Variants in CCDC30 observed in about 807,000 individuals in gnomAD.
CCDC30 encodes the protein coiled-coil domain containing 30, also known as coiled-coil domain-containing protein 30.
CCDC30 carries 70 observed loss-of-function variants against 100.2 expected under a neutral mutation model. The observed-to-expected ratio is 0.70, with a 90% confidence interval of 0.58 to 0.85. CCDC30 has a LOEUF of 0.85. Among genes scored for constraint, CCDC30 ranks in the 40% least tolerant of loss-of-function variants. The probability of loss-of-function intolerance (pLI) is 0.00; values close to 1 mark genes in which losing one functional copy is unlikely to be tolerated. For synonymous variants in CCDC30, 233 were observed against 269.5 expected (o/e 0.86, Z 1.33); for missense variants, 652 against 771.2 (o/e 0.85, Z 1.83).
At chr1:42,466,700 C>T (rs993724423) in intron 1 of CCDC30, among the ~76,000 whole-genome samples, 9 of 151,762 alleles carry the variant, frequency 5.9e-5, no homozygotes, top group Non-Finnish European at 8.8e-5. Flanking sequence ...TACAGGCACC[C>T]GCCACCATGC....
chr1:42,500,293 G>A lies in CCDC30; in HGVS notation c.456+1377G>A, dbSNP rs1333817176. 19 of 1,610,476 alleles carry A rather than the reference G, an allele frequency of 1.2e-5. No homozygotes were observed. In the Admixed American group the frequency reaches 1.3e-4, roughly 11 times the overall value. On this transcript the variant is annotated intron_variant, in intron 6 of 16. Coordinates refer to ENST00000668663, the Ensembl canonical transcript of CCDC30. ...TTGCGTCTCTGTCTTCTTCAGTTTCGACTTATCGAATTTCTCCATCTCAGC... is the reference window on the plus strand; with the variant it reads ...TTGCGTCTCTGTCTTCTTCAGTTTCAACTTATCGAATTTCTCCATCTCAGC...
In CCDC30 at chr1:42,522,875, CT is replaced by C. The variant is rs572657828; in HGVS notation, c.456+23967del. On this transcript the variant is annotated intron_variant, in intron 6 of 16. Transcript: ENST00000668663. ...GTTACAAACCATTGTTACAATATTA[CT>C]TTTTTTTCTTTTTTTTTGAGATGGA... 3.9e-3 allele frequency among the ~76,000 whole-genome samples: 598 copies of C among 152,052 alleles called. 5 individuals carry two copies. The highest frequency in any genetic ancestry group is 0.014 in the African/African-American group (576 of 41,502).
At chr1:42,553,305 C>G (rs548697515) in intron 6 of CCDC30, among the ~76,000 whole-genome samples, 1 of 152,086 alleles carries the variant, frequency 6.6e-6, no homozygotes, top group African/African-American at 2.4e-5. Context: ...AGGAAACTCA[C>G]AGCCATGTCG....
chr1:42,594,122 A>G (rs1393021298), intron 10 of CCDC30: 2 of 152,168 alleles, frequency 1.3e-5, no homozygotes, highest in Non-Finnish European at 2.9e-5. Context: ...AATAAAGAAT[A>G]CTCAAAGTCC....
At chr1:42,606,341 G>A (rs577944473) in intron 10 of CCDC30, among the ~76,000 whole-genome samples, 5 of 152,224 alleles carry the variant, frequency 3.3e-5, no homozygotes, top group East Asian at 3.9e-4. Flanking sequence ...GCAGTGGTGC[G>A]CTCTCAGCTC....
chr1:42,458,981 T>A (rs867897057), upstream of CCDC30, among the ~76,000 whole-genome samples: 10 of 152,212 alleles, frequency 6.6e-5, no homozygotes, highest in Admixed American at 4.6e-4. Context: ...AACAGATTAT[T>A]TGTATCTGTT....
intron 1 of CCDC30, among the ~76,000 whole-genome samples, chr1:42,478,060 T>C (rs1643903323): frequency 6.6e-6 from 1 of 152,226 alleles, no homozygotes; most frequent in Non-Finnish European, 1.5e-5. Flanking sequence ...TGGACTATGC[T>C]TGATGTTCCT....
At chr1:42,474,838 C>T (rs558049437) in intron 1 of CCDC30, among the ~76,000 whole-genome samples, 20 of 152,282 alleles carry the variant, frequency 1.3e-4, no homozygotes, top group Non-Finnish European at 2.4e-4. Flanking sequence ...GGAGCATATT[C>T]GCTTTCTACC....
At position 42,589,315 on chromosome 1, in the gene CCDC30, C is replaced by A; in HGVS notation, c.1002-6C>A. 3.8e-6 allele frequency: 6 copies of A among 1,579,264 alleles called. No individual in the cohort carries two copies. Among genetic ancestry groups the A allele is most frequent in the Non-Finnish European group, 5.2e-6 (6 of 1,164,548 alleles). ...GTGTGATTTAATCTACATTAATTGC[C>A]CTCAGGAAACTTCTATATCAGAACG... On this transcript the variant is annotated splice_polypyrimidine_tract_variant and splice_region_variant and intron_variant, in intron 9 of 16. Transcript: ENST00000668663.
intron 12 of CCDC30, 60 bp from the exon 17 acceptor site, chr1:42,642,413 G>A: frequency 7.4e-7 from 1 of 1,359,040 alleles, no homozygotes; most frequent in Non-Finnish European, 9.7e-7. Flanking sequence ...ACAGGCTTAT[G>A]CTCTTAAATT....
intron 6 of CCDC30, among the ~76,000 whole-genome samples, chr1:42,546,490 G>T (rs1270590508): frequency 7.0e-6 from 1 of 143,470 alleles, no homozygotes; most frequent in East Asian, 2.0e-4. Flanking sequence ...AGAAGACTTA[G>T]AAAGCATGCA....
At chr1:42,569,385 A>G (rs1351401483) in intron 7 of CCDC30, among the ~76,000 whole-genome samples, 2 of 152,252 alleles carry the variant, frequency 1.3e-5, no homozygotes, top group East Asian at 3.8e-4. Flanking sequence ...AAAGCTCATC[A>G]TCGCTGGTCA....
At chr1:42,571,711 C>A (rs1214216795) in intron 7 of CCDC30, among the ~76,000 whole-genome samples, 1 of 152,198 alleles carries the variant, frequency 6.6e-6, no homozygotes, top group East Asian at 1.9e-4. Flanking sequence ...CTTCTACATA[C>A]ACTCATTTCA....
chr1:42,654,082 CA>C, exon 17 of CCDC30: 1 of 1,298,898 alleles, frequency 7.7e-7, no homozygotes, highest in Non-Finnish European at 1.1e-6. Context: ...AAAGCCTGGA[CA>C]AAAGGTGGAC....
chr1:42,479,464 C>T (rs1054909195), intron 1 of CCDC30, among the ~76,000 whole-genome samples: 1 of 151,402 alleles, frequency 6.6e-6, no homozygotes, highest in East Asian at 2.0e-4. Flanking sequence ...CCCACAAGTA[C>T]ACCATCAACA....
chr1:42,537,421 T>G (rs1644926632), intron 6 of CCDC30: 6 of 365,150 alleles, frequency 1.6e-5, no homozygotes, highest in Non-Finnish European at 2.1e-5. Context: ...GGAAATCAAT[T>G]ATCATTTACC....
chr1:42,608,995 C>T (rs1202604411), intron 10 of CCDC30, among the ~76,000 whole-genome samples: 1 of 152,046 alleles, frequency 6.6e-6, no homozygotes, highest in African/African-American at 2.4e-5. Context: ...CTAACACAAA[C>T]AATGAAAGAA....
rs563022326 is a variant in CCDC30, at chr1:42,618,229, C to CTTTTTTTTTTT, written c.1277+7153_1277+7163dup. ...GGAGGATGTTGAAAACCAGTGATATCTTTTTTTTTTTTTTTTTTTTTTTTG... is the reference window on the plus strand; with the variant it reads ...GGAGGATGTTGAAAACCAGTGATATCTTTTTTTTTTTTTTTTTTTTTTTTTTTTTTTTTTTG... On this transcript the variant is annotated intron_variant, in intron 11 of 16. Coordinates refer to ENST00000668663, the Ensembl canonical transcript of CCDC30. Among the ~76,000 whole-genome samples, 57 of 90,462 alleles carry CTTTTTTTTTTT rather than the reference C, an allele frequency of 6.3e-4. 1 individual carries two copies. The highest frequency in any genetic ancestry group is 9.8e-3 in the Middle Eastern group (1 of 102). 59.3% of individuals were successfully genotyped at this position (90,462 alleles called of 152,430 possible).
At chr1:42,462,229 AGTGT>A (rs150466234), upstream of CCDC30, among the ~76,000 whole-genome samples, 11 of 151,646 alleles carry the variant, frequency 7.3e-5, no homozygotes, top group Non-Finnish European at 1.3e-4. Flanking sequence ...GGTGGGGGAG[AGTGT>A]GTGTGTGTGT....
Sources: gnomAD v4.1 joint callset for allele counts (sites outside exome capture counted in the v4.1 genomes callset) on GRCh38, gnomAD v4.1.1 for gene constraint, MANE v1.5 for transcripts, NCBI Gene and HGNC (gene_info 2026-07-23, HGNC 2026-07-21) for gene names.